ZNF385B: variants seen among roughly 807,000 people sequenced by gnomAD.
ZNF385B encodes zinc finger protein 533.
A neutral mutation model predicts 39.2 loss-of-function variants in ZNF385B; 23 were observed. That is an observed-to-expected ratio of 0.59 (90% confidence interval 0.42 to 0.83). The LOEUF is 0.83. Among genes scored for constraint, ZNF385B ranks in the 40% least tolerant of loss-of-function variants. The probability of loss-of-function intolerance (pLI) is 0.00; values close to 1 mark genes in which losing one functional copy is unlikely to be tolerated. For missense variants in ZNF385B, 552 were observed against 598.9 expected, an observed-to-expected ratio of 0.92 and a Z score of 0.82; for synonymous variants, 205 against 222.6, an observed-to-expected ratio of 0.92 and a Z score of 0.70.
At chr2:179,606,872 T>C (rs1688848807) in intron 3 of ZNF385B, among the ~76,000 whole-genome samples, 1 of 152,110 alleles carries the variant, frequency 6.6e-6, no homozygotes, top group Non-Finnish European at 1.5e-5. Flanking sequence ...CAAATCTGGA[T>C]GGTCTGGATG....
intron 3 of ZNF385B, among the ~76,000 whole-genome samples, chr2:179,655,974 T>C (rs1559039229): frequency 6.6e-6 from 1 of 152,192 alleles, no homozygotes; most frequent in Admixed American, 6.5e-5. Context: ...AGAGATTATA[T>C]TAGTCTAGAT....
intron 3 of ZNF385B, among the ~76,000 whole-genome samples, chr2:179,648,599 T>C (rs764054422): frequency 6.6e-6 from 1 of 152,024 alleles, no homozygotes; most frequent in Non-Finnish European, 1.5e-5. Context: ...TACCCTCCAT[T>C]ACAAACAACC....
intron 3 of ZNF385B, among the ~76,000 whole-genome samples, chr2:179,599,686 T>G (rs906784408): frequency 5.9e-5 from 9 of 152,130 alleles, no homozygotes; most frequent in African/African-American, 1.9e-4. Flanking sequence ...GGGCATTCCT[T>G]AAAACACCAA....
intron 3 of ZNF385B, among the ~76,000 whole-genome samples, chr2:179,633,024 A>T (rs1206917703): frequency 6.6e-6 from 1 of 152,244 alleles, no homozygotes; most frequent in Admixed American, 6.5e-5. Flanking sequence ...ATCTCTGAAT[A>T]GACCAATAAC....
chr2:179,486,875 C>T (rs116185182), intron 5 of ZNF385B, among the ~76,000 whole-genome samples: 2,730 of 152,122 alleles, frequency 0.018, 79 homozygotes, highest in African/African-American at 0.061. Context: ...CTGATTGTGC[C>T]ACTGCACTCT....
At chr2:179,632,115 C>G (rs780443555) in intron 3 of ZNF385B, among the ~76,000 whole-genome samples, 1 of 152,118 alleles carries the variant, frequency 6.6e-6, no homozygotes, top group Non-Finnish European at 1.5e-5. Context: ...GACTTTAACA[C>G]CCCACTGTCA....
chr2:179,534,204 T>C (rs1446448480), intron 4 of ZNF385B, among the ~76,000 whole-genome samples: 2 of 152,212 alleles, frequency 1.3e-5, no homozygotes, highest in Admixed American at 6.5e-5. Context: ...CTTAGCCATA[T>C]ATATATCTTT....
intron 1 of ZNF385B, among the ~76,000 whole-genome samples, chr2:179,773,797 C>A (rs187700974): frequency 6.6e-6 from 1 of 152,300 alleles, no homozygotes; most frequent in African/African-American, 2.4e-5. Context: ...ACAATAAATT[C>A]TTTGGAAAGG....
chr2:179,748,308 T>C (rs1702493779), intron 3 of ZNF385B, among the ~76,000 whole-genome samples: 1 of 152,108 alleles, frequency 6.6e-6, no homozygotes, highest in Non-Finnish European at 1.5e-5. Flanking sequence ...ATAATAGTAC[T>C]CATTGATCAC....
intron 3 of ZNF385B, among the ~76,000 whole-genome samples, chr2:179,582,938 C>T (rs891832973): frequency 2.6e-5 from 4 of 152,172 alleles, no homozygotes; most frequent in South Asian, 2.1e-4. Flanking sequence ...CAACCTCTGC[C>T]TCCTGGGTTC....
At chr2:179,833,819 G>T (rs756578929) in intron 1 of ZNF385B, among the ~76,000 whole-genome samples, 16 of 152,014 alleles carry the variant, frequency 1.1e-4, no homozygotes, top group Non-Finnish European at 2.1e-4. Context: ...CTGTACAGAA[G>T]AAAATAGAAA....
intron 4 of ZNF385B, among the ~76,000 whole-genome samples, chr2:179,533,614 G>C (rs548012103): frequency 9.5e-4 from 144 of 152,136 alleles, no homozygotes; most frequent in Admixed American, 4.2e-3. Context: ...GTGTGTGGGA[G>C]GGGGAGGAGT....
At chr2:179,835,516 C>G (rs1708201436) in intron 1 of ZNF385B, among the ~76,000 whole-genome samples, 1 of 152,142 alleles carries the variant, frequency 6.6e-6, no homozygotes, top group Non-Finnish European at 1.5e-5. Flanking sequence ...GGTGGGGGGG[C>G]CAGGAAAACT....
intron 3 of ZNF385B, among the ~76,000 whole-genome samples, chr2:179,599,894 C>A (rs577527855): frequency 6.6e-6 from 1 of 152,218 alleles, no homozygotes; most frequent in African/African-American, 2.4e-5. Flanking sequence ...GCGTAAACAC[C>A]CTTCCCCCAT....
intron 3 of ZNF385B, among the ~76,000 whole-genome samples, chr2:179,682,953 C>T (rs1163118723): frequency 2.0e-5 from 3 of 152,122 alleles, no homozygotes; most frequent in Non-Finnish European, 4.4e-5. Flanking sequence ...GCTTCCTTCT[C>T]TCTCAGTTTC....
chr2:179,662,181 T>TAACCACA (rs1694566263), intron 3 of ZNF385B, among the ~76,000 whole-genome samples: 1 of 152,098 alleles, frequency 6.6e-6, no homozygotes, highest in Non-Finnish European at 1.5e-5. Context: ...TAACCACAAG[T>TAACCACA]GGAGGAAGCT....
At chr2:179,775,968 T>A (rs1164364329) in intron 1 of ZNF385B, among the ~76,000 whole-genome samples, 1 of 152,204 alleles carries the variant, frequency 6.6e-6, no homozygotes, top group Non-Finnish European at 1.5e-5. Context: ...GGGAGATGAA[T>A]GTGTTCAAGC....
At chr2:179,540,162 T>C (rs562409562) in intron 4 of ZNF385B, among the ~76,000 whole-genome samples, 6 of 152,214 alleles carry the variant, frequency 3.9e-5, no homozygotes, top group African/African-American at 1.4e-4. Context: ...CAGTGACAGT[T>C]TGGCCAGGCG....
At chr2:179,623,590 C>A (rs901447028) in intron 3 of ZNF385B, among the ~76,000 whole-genome samples, 4 of 152,098 alleles carry the variant, frequency 2.6e-5, no homozygotes, top group Non-Finnish European at 5.9e-5. Flanking sequence ...CTCCAAGATA[C>A]GGTCGGGGCA....
Sources: gnomAD v4.1 joint callset for allele counts (sites outside exome capture counted in the v4.1 genomes callset) on GRCh38, gnomAD v4.1.1 for gene constraint, MANE v1.5 for transcripts, NCBI Gene and HGNC (gene_info 2026-07-23, HGNC 2026-07-21) for gene names.